Variants in SNW1 observed in about 807,000 individuals in gnomAD.
SNW1 encodes SNW domain containing 1.
In SNW1, 9 loss-of-function variants were observed where a neutral mutation model predicts 75.6. The observed-to-expected ratio is 0.12, with a 90% CI of 0.07 to 0.21. SNW1 has a LOEUF of 0.21. SNW1 is among the 10% of genes least tolerant of loss of function. The probability of loss-of-function intolerance (pLI) is 1.00; values close to 1 mark genes in which losing one functional copy is unlikely to be tolerated. For synonymous variants in SNW1, 200 were observed against 219.1 expected (o/e 0.91, Z 0.77); for missense variants, 409 against 670.9 (o/e 0.61, Z 4.31).
intron 5 of SNW1, among the ~76,000 whole-genome samples, chr14:77,738,047 A>G (rs1595082671): frequency 6.6e-6 from 1 of 150,420 alleles, no homozygotes; most frequent in Admixed American, 6.7e-5. Flanking sequence ...GCTCACGCCT[A>G]TAATCCCAGC....
chr14:77,747,634 C>T (rs1412056694), intron 3 of SNW1, among the ~76,000 whole-genome samples: 1 of 147,774 alleles, frequency 6.8e-6, no homozygotes, highest in African/African-American at 2.5e-5. Flanking sequence ...AGAGCCCCTC[C>T]GCCCGGCAGC....
intron 3 of SNW1, among the ~76,000 whole-genome samples, chr14:77,743,182 G>GC (rs2082622673): frequency 6.6e-6 from 1 of 150,870 alleles, no homozygotes; most frequent in African/African-American, 2.4e-5. Flanking sequence ...CTGAGATCGT[G>GC]CCATTGCACC....
intron 10 of SNW1, among the ~76,000 whole-genome samples, chr14:77,723,930 C>T: frequency 6.6e-6 from 1 of 152,176 alleles, no homozygotes; most frequent in Non-Finnish European, 1.5e-5. Flanking sequence ...TATTTTTTAA[C>T]CTTAGAAAAT....
chr14:77,737,519 T>C (rs1255843237), intron 5 of SNW1, among the ~76,000 whole-genome samples: 6 of 152,132 alleles, frequency 3.9e-5, no homozygotes, highest in African/African-American at 1.4e-4. Flanking sequence ...GAATTTTTCC[T>C]CAATATCTGT....
intron 3 of SNW1, among the ~76,000 whole-genome samples, chr14:77,741,199 G>C (rs1408128488): frequency 6.6e-6 from 1 of 150,706 alleles, no homozygotes; most frequent in African/African-American, 2.4e-5. Context: ...ATGAATTTTA[G>C]AGATATTCTG....
At chr14:77,724,770 C>G (rs2080571560) in intron 10 of SNW1, among the ~76,000 whole-genome samples, 1 of 152,178 alleles carries the variant, frequency 6.6e-6, no homozygotes, top group Non-Finnish European at 1.5e-5. Flanking sequence ...CAACTTGATT[C>G]CGTATCTTGG....
rs753986127 is a variant in SNW1, at chr14:77,755,006, C to A, written c.129G>T (p.Pro43=). The stretch of plus-strand genomic sequence containing the variant: ...GTATCCAGCCTTTCCGGTATCCGTA[C>A]GGGGGAGGTTCTCTTCGGGAGGAGA... ...SLVSSRREPP[P]YGYRKGWIPR... The change falls in exon 2 of 14, where the codon CCG becomes CCT. Residue 43 remains proline (P), a synonymous_variant. Coordinates refer to ENST00000261531, the MANE Select transcript of SNW1 (RefSeq NM_012245.3). 1.9e-6 allele frequency: 3 copies of A among 1,608,950 alleles called. No homozygotes were observed. The highest frequency in any genetic ancestry group is 1.7e-5 in the Admixed American group (1 of 59,632).
At chr14:77,736,557 AAAAC>A (rs1566830694) in intron 6 of SNW1, among the ~76,000 whole-genome samples, 31 of 152,140 alleles carry the variant, frequency 2.0e-4, no homozygotes, top group African/African-American at 6.3e-4. Flanking sequence ...TCAAAAAACA[AAAAC>A]AAAAACAAAA....
rs1467557165 is a variant in SNW1, at chr14:77,760,000, G to A, written c.14+1114C>T. Among the ~76,000 whole-genome samples, 3 of 152,000 alleles carry A rather than the reference G, an allele frequency of 2.0e-5. No homozygotes were observed. In the East Asian group the frequency reaches 5.8e-4, roughly 29 times the overall value. On this transcript the variant is annotated intron_variant, in intron 1 of 13. Transcript: ENST00000261531. ...GCAAAAAAATTTTAGAAACGAGGGT[G>A]GGGAGAAAACTCTCCAGCCCACATA...
At chr14:77,740,394 G>A (rs2080709104) in intron 3 of SNW1, among the ~76,000 whole-genome samples, 1 of 151,908 alleles carries the variant, frequency 6.6e-6, no homozygotes, top group Non-Finnish European at 1.5e-5. Flanking sequence ...TAAAGGAAAT[G>A]CATGCTATTT....
intron 8 of SNW1, chr14:77,733,916 C>T (rs1374630403): frequency 2.3e-6 from 1 of 443,894 alleles, no homozygotes; most frequent in African/African-American, 2.0e-5. Flanking sequence ...TCTGACTAGT[C>T]TCTCAAATGT....
chr14:77,743,815 T>C (rs1160359815), intron 3 of SNW1, among the ~76,000 whole-genome samples: 13 of 152,136 alleles, frequency 8.5e-5, no homozygotes, highest in Non-Finnish European at 1.6e-4. Flanking sequence ...TGTACAATGC[T>C]GAAGATGGTC....
chr14:77,722,943 C>G, intron 11 of SNW1: 1 of 450,106 alleles, frequency 2.2e-6, no homozygotes, highest in South Asian at 2.0e-5. Flanking sequence ...CTCCCGGGTT[C>G]ACGCCATTCT....
At chr14:77,736,579 CA>C (rs960094584) in intron 6 of SNW1, among the ~76,000 whole-genome samples, 3 of 151,508 alleles carry the variant, frequency 2.0e-5, no homozygotes, top group Non-Finnish European at 4.4e-5. Flanking sequence ...AAAACAAAAA[CA>C]AAAAAAGGCA....
chr14:77,720,898 C>T (rs973350864), intron 11 of SNW1, 70 bp from the exon 12 acceptor site: 4 of 907,426 alleles, frequency 4.4e-6, no homozygotes, highest in Non-Finnish European at 7.2e-6. Context: ...AATAGAAATA[C>T]AACCAATCTC....
At chr14:77,724,773 T>A (rs998147239) in intron 10 of SNW1, among the ~76,000 whole-genome samples, 2 of 152,240 alleles carry the variant, frequency 1.3e-5, no homozygotes, top group Non-Finnish European at 2.9e-5. Flanking sequence ...CTTGATTCCG[T>A]ATCTTGGTAA....
At chr14:77,751,817 C>T (rs2080809418) in intron 2 of SNW1, among the ~76,000 whole-genome samples, 1 of 117,228 alleles carries the variant, frequency 8.5e-6, no homozygotes, top group Admixed American at 1.0e-4. Flanking sequence ...CACACACACA[C>T]ACACACACAC....
intron 1 of SNW1, chr14:77,760,896 C>A: frequency 9.8e-7 from 1 of 1,023,570 alleles, no homozygotes; most frequent in Non-Finnish European, 1.5e-6. Context: ...CTTTCGGCCT[C>A]GGTGAGCGGG....
intron 1 of SNW1, among the ~76,000 whole-genome samples, chr14:77,759,467 T>C (rs922551074): frequency 2.0e-5 from 3 of 152,142 alleles, no homozygotes; most frequent in African/African-American, 2.4e-5. Flanking sequence ...TGGGCTGTGA[T>C]TGGGCCACTG....
Sources: gnomAD v4.1 joint callset for allele counts (sites outside exome capture counted in the v4.1 genomes callset) on GRCh38, gnomAD v4.1.1 for gene constraint, MANE v1.5 for transcripts, NCBI Gene and HGNC (gene_info 2026-07-23, HGNC 2026-07-21) for gene names.